SOX5: variants seen among roughly 807,000 people sequenced by gnomAD.
SOX5 encodes the protein SRY-box transcription factor 5, also known as transcription factor SOX-5.
SOX5 carries 9 observed loss-of-function variants against 92.0 expected under a neutral mutation model. That is an observed-to-expected ratio of 0.10 (90% CI 0.06 to 0.17). The LOEUF is 0.17. SOX5 is among the 10% of genes least tolerant of loss of function. The pLI, the probability that SOX5 is intolerant of heterozygous loss-of-function variation, is 1.00. For synonymous variants in SOX5, 344 were observed against 336.3 expected (o/e 1.02, Z -0.25); for missense variants, 642 against 944.5 (o/e 0.68, Z 4.20).
rs1230330841 is a variant in SOX5 at position 24,061,515 on chromosome 12, G to T, written c.-2+151828C>A. 2.0e-5 allele frequency among the ~76,000 whole-genome samples: 3 copies of T among 151,654 alleles called. No individual in the cohort carries two copies. In the East Asian group the frequency reaches 5.8e-4, roughly 29 times the overall value. ...GAAATAACATTTAATGAAAACCAAG[G>T]CCCTACTTTACTTACCTACTGCTAA... On this transcript the variant is annotated intron_variant, in intron 4 of 4. Transcript: ENST00000446891.
intron 9 of SOX5, among the ~76,000 whole-genome samples, chr12:23,595,100 T>G (rs1440972998): frequency 2.0e-5 from 3 of 152,222 alleles, no homozygotes; most frequent in African/African-American, 4.8e-5. Context: ...ACTACTGTTT[T>G]GTTTACAGCT....
chr12:24,186,866 C>G (rs533323092), intron 4 of SOX5, among the ~76,000 whole-genome samples: 1 of 151,956 alleles, frequency 6.6e-6, no homozygotes, highest in Non-Finnish European at 1.5e-5. Flanking sequence ...CTTCTTTTTG[C>G]TCTTTTTCCC....
chr12:23,708,792 G>T (rs921081494), intron 6 of SOX5, among the ~76,000 whole-genome samples: 4 of 152,154 alleles, frequency 2.6e-5, no homozygotes, highest in Admixed American at 2.6e-4. Context: ...TGAACTCAAA[G>T]TTTTGAAGTT....
At chr12:24,363,852 A>G (rs936522109) in intron 2 of SOX5, among the ~76,000 whole-genome samples, 2 of 152,228 alleles carry the variant, frequency 1.3e-5, no homozygotes, top group East Asian at 3.8e-4. Flanking sequence ...AGAAATGTCC[A>G]TGAAGGTGAG....
chr12:23,812,250 T>G (rs2095888365), intron 3 of SOX5, among the ~76,000 whole-genome samples: 1 of 152,104 alleles, frequency 6.6e-6, no homozygotes, highest in South Asian at 2.1e-4. Flanking sequence ...TATATATTAC[T>G]GTTTTTTTAA....
chr12:24,476,004 A>AAAT (rs1555312737), intron 1 of SOX5, among the ~76,000 whole-genome samples: 20 of 150,090 alleles, frequency 1.3e-4, no homozygotes, highest in South Asian at 4.2e-4. Context: ...AAAAAAAAAA[A>AAAT]AAAAAAAAAA....
At chr12:23,925,837 T>C (rs1299232551) in intron 1 of SOX5, among the ~76,000 whole-genome samples, 1 of 152,074 alleles carries the variant, frequency 6.6e-6, no homozygotes, top group Non-Finnish European at 1.5e-5. Flanking sequence ...TTATGAATAA[T>C]ATTTCACTTA....
chr12:23,720,213 C>G (rs565095127), intron 6 of SOX5, among the ~76,000 whole-genome samples: 2 of 152,194 alleles, frequency 1.3e-5, no homozygotes, highest in African/African-American at 2.4e-5. Flanking sequence ...AAGAAAAAAG[C>G]CTTCAATAAA....
intron 2 of SOX5, among the ~76,000 whole-genome samples, chr12:23,864,771 T>C (rs1054954302): frequency 2.0e-5 from 3 of 152,158 alleles, no homozygotes; most frequent in African/African-American, 7.2e-5. Flanking sequence ...CTTCATAAGA[T>C]AATAATGCAA....
At chr12:23,605,544 C>G (rs1472748905) in intron 8 of SOX5, among the ~76,000 whole-genome samples, 1 of 151,062 alleles carries the variant, frequency 6.6e-6, no homozygotes, top group Non-Finnish European at 1.5e-5. Context: ...TCTTGAGATT[C>G]CATGGATAGC....
chr12:24,121,208 T>C (rs1295779504), intron 4 of SOX5, among the ~76,000 whole-genome samples: 2 of 152,200 alleles, frequency 1.3e-5, no homozygotes, highest in South Asian at 2.1e-4. Context: ...TACAGAAATA[T>C]TTACGATGAC....
At chr12:24,086,674 T>C (rs997934363) in intron 4 of SOX5, among the ~76,000 whole-genome samples, 6 of 152,040 alleles carry the variant, frequency 3.9e-5, no homozygotes, top group African/African-American at 1.4e-4. Context: ...TCACTTCTAG[T>C]AACTATATTC....
intron 3 of SOX5, among the ~76,000 whole-genome samples, chr12:24,219,046 C>A (rs1191706934): frequency 6.6e-6 from 1 of 151,824 alleles, no homozygotes; most frequent in African/African-American, 2.4e-5. Context: ...TTTTGTAAAA[C>A]CATAGAGATT....
intron 3 of SOX5, among the ~76,000 whole-genome samples, chr12:23,761,149 G>A (rs1271210361): frequency 6.6e-6 from 1 of 152,222 alleles, no homozygotes; most frequent in East Asian, 1.9e-4. Context: ...AAGTAAGAAA[G>A]TAAAAGCACA....
At chr12:23,549,796 G>C (rs1014735310) in intron 11 of SOX5, among the ~76,000 whole-genome samples, 1 of 151,902 alleles carries the variant, frequency 6.6e-6, no homozygotes, top group East Asian at 1.9e-4. Flanking sequence ...CAACTCTGCA[G>C]GTTTGCTGAG....
At chr12:23,951,806 A>G (rs1945685123), upstream of SOX5, among the ~76,000 whole-genome samples, 2 of 152,140 alleles carry the variant, frequency 1.3e-5, no homozygotes, top group Admixed American at 1.3e-4. Context: ...CATGATTTTC[A>G]CTTTCAGCAG....
chr12:23,577,150 T>TATACACAC (rs1387483353), intron 9 of SOX5, among the ~76,000 whole-genome samples: 7 of 117,594 alleles, frequency 6.0e-5, no homozygotes, highest in African/African-American at 2.0e-4. Context: ...TATATATATA[T>TATACACAC]ACACACACAC....
At chr12:23,665,915 C>T (rs1270932159) in intron 6 of SOX5, among the ~76,000 whole-genome samples, 7 of 152,078 alleles carry the variant, frequency 4.6e-5, no homozygotes, top group African/African-American at 2.4e-5. Flanking sequence ...GAACTGAAAT[C>T]GCCCTCTGCA....
At chr12:23,770,435 C>G (rs1370596340) in intron 3 of SOX5, among the ~76,000 whole-genome samples, 1 of 152,090 alleles carries the variant, frequency 6.6e-6, no homozygotes, top group Non-Finnish European at 1.5e-5. Flanking sequence ...TGCATTAATT[C>G]AAACACTGTG....
Sources: allele counts gnomAD v4.1 joint callset (sites outside exome capture counted in the v4.1 genomes callset), GRCh38; gene constraint gnomAD v4.1.1; transcripts MANE v1.5; gene names NCBI Gene and HGNC (gene_info 2026-07-23, HGNC 2026-07-21).